The following NLRC5 variants were observed in gnomAD, a reference collection of about 807,000 sequenced individuals.
NLRC5 encodes the protein NLR family CARD domain containing 5.
A neutral mutation model predicts 206.9 loss-of-function variants in NLRC5; 114 were observed. That is an observed-to-expected ratio of 0.55 (90% CI 0.47 to 0.64). The LOEUF is 0.64. Ranked by LOEUF, NLRC5 falls within the 30% of genes least tolerant of loss-of-function variation. NLRC5 has a pLI of 0.00. For missense variants in NLRC5, 2,008 were observed against 2,305.5 expected (o/e 0.87, Z 2.64); for synonymous variants, 952 against 962.8 (o/e 0.99, Z 0.21).
chr16:57,046,642 G>A lies in NLRC5; in HGVS notation c.3338+1G>A. The A allele has an allele frequency of 6.2e-7, 1 of 1,613,550 alleles. No homozygotes were observed. The highest frequency in any genetic ancestry group is 8.5e-7 in the Non-Finnish European group (1 of 1,179,532). On this transcript the variant is annotated splice_donor_variant, in intron 22 of 48. Transcript: ENST00000688547. LOFTEE classifies it high-confidence loss of function. ...AGCGCTGCATCCCCAGGAGCCTCTG[G>A]TACTGTCCCAGCCCTTCTTGTTTGG...
intron 1 of NLRC5, among the ~76,000 whole-genome samples, chr16:57,015,591 AAAAT>A (rs202245287): frequency 0.046 from 6,378 of 138,342 alleles, 205 homozygotes; most frequent in African/African-American, 0.073. Flanking sequence ...GTCTCTTAAA[AAAAT>A]AAATAAATAA....
intron 30 of NLRC5, among the ~76,000 whole-genome samples, chr16:57,060,213 A>G (rs1374453080): frequency 6.6e-6 from 1 of 151,646 alleles, no homozygotes; most frequent in East Asian, 1.9e-4. Context: ...GGATCTTCAC[A>G]ACACACATCT....
At chr16:57,069,986 C>G in intron 37 of NLRC5, 67 bp downstream of exon 37, 4 of 1,370,662 alleles carry the variant, frequency 2.9e-6, no homozygotes, top group Non-Finnish European at 4.0e-6. Context: ...GAGAAGAGAG[C>G]AGGGCGTTTG....
intron 32 of NLRC5, among the ~76,000 whole-genome samples, chr16:57,063,787 G>A (rs764286105): frequency 2.8e-4 from 43 of 151,958 alleles, no homozygotes; most frequent in South Asian, 1.0e-3. Context: ...TGCCCAGGTT[G>A]GAGTGCAGTG....
At chr16:57,050,616 C>T (rs1426963454) in intron 23 of NLRC5, among the ~76,000 whole-genome samples, 2 of 152,218 alleles carry the variant, frequency 1.3e-5, no homozygotes, top group Non-Finnish European at 2.9e-5. Context: ...CCAGGGAACT[C>T]AGTGTCTTGA....
Position 57,011,179 on chromosome 16 carries a change from G to A in NLRC5, c.-127-5895G>A, listed in dbSNP as rs1440639396. On this transcript the variant is annotated intron_variant, in intron 1 of 48. Coordinates refer to ENST00000688547, the MANE Select transcript of NLRC5 (RefSeq NM_001384950.1). The stretch of plus-strand genomic sequence containing the variant: ...TGTAACCCCAACACTTTGGGAGGCC[G>A]AGGCAGGTGGATCACCTGAGGTCAG... Among the ~76,000 whole-genome samples the A allele has an allele frequency of 5.3e-5, 8 of 152,270 alleles. No individual in the cohort carries two copies. In the South Asian group the frequency reaches 6.2e-4, roughly 12 times the overall value.
intron 43 of NLRC5, among the ~76,000 whole-genome samples, chr16:57,078,842 C>T (rs1190037170): frequency 1.3e-5 from 2 of 152,152 alleles, no homozygotes; most frequent in Non-Finnish European, 2.9e-5. Flanking sequence ...GGAGAATTTT[C>T]CTTACTCATA....
At chr16:57,054,711 G>A (rs1214183362) in intron 24 of NLRC5, 40 bp from the exon 25 acceptor site, 1 of 1,175,396 alleles carries the variant, frequency 8.5e-7, no homozygotes. Context: ...CAGGTTCCTT[G>A]TCCACTCATC....
intron 38 of NLRC5, among the ~76,000 whole-genome samples, chr16:57,072,475 GA>G (rs1294804780): frequency 6.6e-6 from 1 of 152,122 alleles, no homozygotes; most frequent in Non-Finnish European, 1.5e-5. Flanking sequence ...ACTCTGGGCA[GA>G]AAAAAATCTA....
intron 1 of NLRC5, among the ~76,000 whole-genome samples, chr16:57,010,059 C>G (rs866021356): frequency 2.8e-4 from 43 of 152,248 alleles, no homozygotes; most frequent in Admixed American, 6.5e-4. Context: ...CATCTTTGGG[C>G]TTGAGCTCAA....
intron 27 of NLRC5, among the ~76,000 whole-genome samples, chr16:57,056,783 C>T (rs542967452): frequency 1.1e-3 from 165 of 152,018 alleles, no homozygotes; most frequent in African/African-American, 3.8e-3. Flanking sequence ...CTCAGCCTCC[C>T]AAGGAGCTGA....
intron 20 of NLRC5, chr16:57,043,896 G>A (rs201549208): frequency 5.1e-6 from 2 of 389,326 alleles, no homozygotes; most frequent in Non-Finnish European, 8.9e-6. Context: ...TTTTTTTTTA[G>A]GATTTTTTTT....
intron 24 of NLRC5, among the ~76,000 whole-genome samples, chr16:57,053,593 A>G (rs1214096379): frequency 1.3e-5 from 2 of 152,196 alleles, no homozygotes; most frequent in Non-Finnish European, 2.9e-5. Flanking sequence ...CAATGGCGCA[A>G]TCTCGGCTCA....
chr16:56,999,756 G>T (rs1407928060), intron 1 of NLRC5, among the ~76,000 whole-genome samples: 1 of 152,224 alleles, frequency 6.6e-6, no homozygotes, highest in East Asian at 1.9e-4. Context: ...GGTCAACTTG[G>T]TGGCCTTCCT....
In NLRC5 at chr16:57,055,471, A is replaced by C. The variant is rs2065513570; in HGVS notation, c.3698A>C (p.Glu1233Ala). The C allele has an allele frequency of 6.2e-7, 1 of 1,613,812 alleles. No individual in the cohort carries two copies. The highest frequency in any genetic ancestry group is 8.5e-7 in the Non-Finnish European group (1 of 1,179,932). ...TGCSLSQEHV[E>A]SLCWLLSKCK... The stretch of plus-strand genomic sequence containing the variant: ...TGCAGCCTCAGCCAGGAGCACGTAG[A>C]GTCACTCTGCTGGTTGCTGAGCAAG... The change falls in exon 27 of 49, where the codon GAG becomes GCG. Residue 1233 changes from glutamate (E) to alanine (A), a missense_variant. Transcript: ENST00000688547.
chr16:57,030,676 G>A (rs2061778913), intron 10 of NLRC5, among the ~76,000 whole-genome samples: 1 of 152,022 alleles, frequency 6.6e-6, no homozygotes, highest in Admixed American at 6.6e-5. Context: ...GAAGGAATGA[G>A]TCAACAAGTC....
At chr16:56,990,026 C>T (rs289747) in intron 1 of NLRC5, among the ~76,000 whole-genome samples, 58,402 of 152,110 alleles carry the variant, frequency 0.38, 11,483 homozygotes, top group African/African-American at 0.44. Context: ...GTTCATTGTA[C>T]GCAATTTAGA....
intron 45 of NLRC5, 81 bp from the exon 46 acceptor site, chr16:57,079,465 T>C (rs2068854966): frequency 7.2e-7 from 1 of 1,387,170 alleles, no homozygotes; most frequent in East Asian, 2.3e-5. Flanking sequence ...CCCCAGACCC[T>C]GGTGGCTCTG....
intron 1 of NLRC5, among the ~76,000 whole-genome samples, chr16:57,006,130 C>G (rs1187986150): frequency 6.6e-6 from 1 of 151,754 alleles, no homozygotes; most frequent in Non-Finnish European, 1.5e-5. Context: ...TTGCGGGTAG[C>G]TTGGACAACA....
Sources: allele counts gnomAD v4.1 joint callset (sites outside exome capture counted in the v4.1 genomes callset), GRCh38; gene constraint gnomAD v4.1.1; transcripts MANE v1.5; gene names NCBI Gene and HGNC (gene_info 2026-07-23, HGNC 2026-07-21).